KIF26B: variants seen among roughly 807,000 people sequenced by gnomAD.
KIF26B encodes kinesin family member 26B.
Under a neutral mutation model 151.2 loss-of-function variants are expected in KIF26B, and 63 were observed. That is an observed-to-expected ratio of 0.42 (90% CI 0.34 to 0.51). KIF26B has a LOEUF of 0.51. Among genes scored for constraint, KIF26B ranks in the 20% least tolerant of loss-of-function variants. KIF26B has a pLI of 0.07. For synonymous variants in KIF26B, 1,357 were observed against 1,262.1 expected, an observed-to-expected ratio of 1.08 and a Z score of -1.59; for missense variants, 2,813 against 2,913.6, an observed-to-expected ratio of 0.97 and a Z score of 0.79.
At position 245,244,010 on chromosome 1, in the gene KIF26B, G is replaced by C. The variant is rs1670265343; in HGVS notation, c.465+87327G>C. On this transcript the variant is annotated intron_variant, in intron 2 of 14. Coordinates refer to ENST00000407071, the MANE Select transcript of KIF26B (RefSeq NM_018012.4). The surrounding 1 kb of genome is among the most constrained non-coding windows in gnomAD (Gnocchi z 4.2). The stretch of plus-strand genomic sequence containing the variant: ...GTTGGAATACAGTGGTGTGATCATG[G>C]CTCACTGCAGTCTCCAGCTCCTCAC... 6.6e-6 allele frequency among the ~76,000 whole-genome samples: 1 copy of C among 152,130 alleles called. No individual in the cohort carries two copies. The highest frequency in any genetic ancestry group is 6.5e-5 in the Admixed American group (1 of 15,268).
intron 3 of KIF26B, among the ~76,000 whole-genome samples, chr1:245,406,933 G>A (rs1444241502): frequency 1.3e-5 from 2 of 151,922 alleles, no homozygotes; most frequent in African/African-American, 4.8e-5. Context: ...GACTACAGGT[G>A]CGCACCACCA....
chr1:245,607,842 G>T, intron 7 of KIF26B, 98 bp downstream of exon 7: 2 of 928,604 alleles, frequency 2.2e-6, no homozygotes, highest in Non-Finnish European at 3.3e-6. Context: ...TGACAGGAAG[G>T]GCTGCGTTTC....
chr1:245,247,115 C>A (rs1480087994), intron 2 of KIF26B, among the ~76,000 whole-genome samples: 1 of 152,114 alleles, frequency 6.6e-6, no homozygotes, highest in African/African-American at 2.4e-5. Flanking sequence ...CTTAACAGTG[C>A]CTGCCACTGT....
rs1374544404 is a variant in KIF26B at position 245,506,921 on chromosome 1, C to A, written c.1167-33846C>A. 2.0e-5 allele frequency among the ~76,000 whole-genome samples: 3 copies of A among 152,302 alleles called. No individual in the cohort carries two copies. In the East Asian group the frequency reaches 5.8e-4, roughly 29 times the overall value. ...TCTTGAACTCCTGAGCTCAGGTGATCCACCCACGTCGGCCTCCCAAGGTGC... is the reference window on the plus strand; with the variant it reads ...TCTTGAACTCCTGAGCTCAGGTGATACACCCACGTCGGCCTCCCAAGGTGC... On this transcript the variant is annotated intron_variant, in intron 4 of 14. Coordinates refer to ENST00000407071, the MANE Select transcript of KIF26B (RefSeq NM_018012.4).
intron 6 of KIF26B, among the ~76,000 whole-genome samples, chr1:245,603,146 A>G (rs76977166): frequency 1.2e-4 from 8 of 66,194 alleles, no homozygotes; most frequent in Admixed American, 1.0e-3. Flanking sequence ...GTACGAAGGG[A>G]AAAAAAAAAG....
chr1:245,637,162 A>G (rs1425110637), intron 9 of KIF26B, among the ~76,000 whole-genome samples: 1 of 152,040 alleles, frequency 6.6e-6, no homozygotes, highest in African/African-American at 2.4e-5. Context: ...CATTTCCTGC[A>G]TCCTCTCCAG....
At chr1:245,591,196 AT>A (rs1428290751) in intron 5 of KIF26B, among the ~76,000 whole-genome samples, 1 of 152,214 alleles carries the variant, frequency 6.6e-6, no homozygotes, top group Non-Finnish European at 1.5e-5. Context: ...CAAGATAGGC[AT>A]TATTATCGCC....
At chr1:245,511,551 G>T (rs1420079540) in intron 4 of KIF26B, among the ~76,000 whole-genome samples, 1 of 152,218 alleles carries the variant, frequency 6.6e-6, no homozygotes, top group African/African-American at 2.4e-5. Flanking sequence ...GGCTTTCAGA[G>T]CAGGTTCTTT....
At chr1:245,246,496 C>T (rs1469407825) in intron 2 of KIF26B, among the ~76,000 whole-genome samples, 1 of 152,138 alleles carries the variant, frequency 6.6e-6, no homozygotes, top group Non-Finnish European at 1.5e-5. Flanking sequence ...TCCCAGTCTC[C>T]CCACCACCCA....
intron 3 of KIF26B, among the ~76,000 whole-genome samples, chr1:245,381,648 G>C (rs1318273772): frequency 6.6e-6 from 1 of 152,116 alleles, no homozygotes; most frequent in African/African-American, 2.4e-5. Flanking sequence ...ATGATGTGCA[G>C]CCATCACCAC....
At chr1:245,199,409 G>A (rs1376191137) in intron 2 of KIF26B, among the ~76,000 whole-genome samples, 5 of 151,848 alleles carry the variant, frequency 3.3e-5, no homozygotes, top group Non-Finnish European at 7.4e-5. Flanking sequence ...TTGCTTCTTT[G>A]TTTCCAGTTT....
chr1:245,371,860 C>A (rs761344008), intron 3 of KIF26B: 2 of 152,076 alleles, frequency 1.3e-5, no homozygotes, highest in Non-Finnish European at 2.9e-5. Context: ...AAGATGACAT[C>A]AAAAATGTTG....
chr1:245,446,007 G>T (rs1382864263), intron 4 of KIF26B, among the ~76,000 whole-genome samples: 2 of 152,112 alleles, frequency 1.3e-5, no homozygotes, highest in African/African-American at 4.8e-5. Flanking sequence ...ACAGTCATTT[G>T]TCACTTAATA....
At chr1:245,397,616 G>A (rs1269930930) in intron 3 of KIF26B, among the ~76,000 whole-genome samples, 1 of 152,206 alleles carries the variant, frequency 6.6e-6, no homozygotes, top group Non-Finnish European at 1.5e-5. Context: ...ATGAATGAAT[G>A]AGTGAAGGAA....
At chr1:245,617,358 C>T (rs939783029) in intron 9 of KIF26B, among the ~76,000 whole-genome samples, 1 of 152,212 alleles carries the variant, frequency 6.6e-6, no homozygotes, top group Non-Finnish European at 1.5e-5. Context: ...TCGGCCTCCC[C>T]AAAGTGCTGG....
At chr1:245,288,557 A>T (rs1671204067) in intron 2 of KIF26B, among the ~76,000 whole-genome samples, 1 of 152,220 alleles carries the variant, frequency 6.6e-6, no homozygotes, top group Non-Finnish European at 1.5e-5. Context: ...TCCATCAGGG[A>T]TGAAGTCTTG....
At chr1:245,172,241 G>A (rs116019843) in intron 2 of KIF26B, among the ~76,000 whole-genome samples, 3,498 of 152,178 alleles carry the variant, frequency 0.023, 125 homozygotes, top group African/African-American at 0.074. Context: ...CAGAAGCCAC[G>A]TGGTAAGTGC....
chr1:245,232,842 AC>A (rs1297590269), intron 2 of KIF26B, among the ~76,000 whole-genome samples: 2 of 152,056 alleles, frequency 1.3e-5, no homozygotes, highest in African/African-American at 4.8e-5. Context: ...GAGCCATCGC[AC>A]CCGGCGGTTT....
chr1:245,293,855 G>A lies in KIF26B; in HGVS notation c.466-72979G>A, dbSNP rs555055361. On this transcript the variant is annotated intron_variant, in intron 2 of 14. Coordinates refer to ENST00000407071, the MANE Select transcript of KIF26B (RefSeq NM_018012.4). ...GGCCTCCCAAAGTGCTGGGATTACA[G>A]GCGTGAGCTACTGCACCCAGCCGAT... Among the ~76,000 whole-genome samples, 148 of 152,300 alleles carry A rather than the reference G, an allele frequency of 9.7e-4. 1 individual carries two copies. Among genetic ancestry groups the A allele is most frequent in the African/African-American group, 3.2e-3 (135 of 41,574 alleles).
Sources: gnomAD v4.1 joint callset for allele counts (sites outside exome capture counted in the v4.1 genomes callset) on GRCh38, gnomAD v4.1.1 for gene constraint, Gnocchi (gnomAD v3.1) non-coding constraint, MANE v1.5 for transcripts, NCBI Gene and HGNC (gene_info 2026-07-23, HGNC 2026-07-21) for gene names.